The following MACROD2 variants were observed in gnomAD, a reference collection of about 807,000 sequenced individuals.
The protein encoded by MACROD2 is mono-ADP ribosylhydrolase 2, also known as ADP-ribose glycohydrolase MACROD2.
A neutral mutation model predicts 70.4 loss-of-function variants in MACROD2; 36 were observed. The ratio of observed to expected loss-of-function variants is 0.51; its 90% CI spans 0.39 to 0.68. The LOEUF is 0.68. MACROD2 is among the 30% of genes least tolerant of loss of function. The probability of loss-of-function intolerance (pLI) is 0.00; values close to 1 mark genes in which losing one functional copy is unlikely to be tolerated. For missense variants in MACROD2, 496 were observed against 538.4 expected (o/e 0.92, Z 0.78); for synonymous variants, 172 against 178.8 (o/e 0.96, Z 0.30).
At chr20:14,540,275 T>G (rs1327818757) in intron 4 of MACROD2, among the ~76,000 whole-genome samples, 1 of 152,062 alleles carries the variant, frequency 6.6e-6, no homozygotes, top group African/African-American at 2.4e-5. Flanking sequence ...CCCCAGATGG[T>G]TTTTTACCAC....
intron 6 of MACROD2, among the ~76,000 whole-genome samples, chr20:15,240,067 A>G (rs910495924): frequency 7.2e-5 from 11 of 152,188 alleles, no homozygotes; most frequent in African/African-American, 2.7e-4. Context: ...GTAAGGCCAA[A>G]TGAGACTATA....
intron 4 of MACROD2, among the ~76,000 whole-genome samples, chr20:14,580,471 C>T (rs1190794925): frequency 2.0e-5 from 3 of 151,500 alleles, no homozygotes; most frequent in Non-Finnish European, 4.4e-5. Flanking sequence ...TAAATATTAT[C>T]ATTCTCAATA....
intron 15 of MACROD2, among the ~76,000 whole-genome samples, chr20:15,990,262 G>A (rs529903840): frequency 1.3e-5 from 2 of 152,202 alleles, no homozygotes; most frequent in East Asian, 3.9e-4. Flanking sequence ...AACCAAATAG[G>A]AAAGTAATAT....
chr20:15,471,934 C>G (rs567099721), intron 7 of MACROD2, among the ~76,000 whole-genome samples: 1 of 152,230 alleles, frequency 6.6e-6, no homozygotes, highest in African/African-American at 2.4e-5. Flanking sequence ...TACTTAAAAA[C>G]AAACAAGCAA....
chr20:15,490,616 A>C (rs2047220046), intron 7 of MACROD2, among the ~76,000 whole-genome samples: 2 of 152,118 alleles, frequency 1.3e-5, no homozygotes, highest in African/African-American at 4.8e-5. Context: ...CAGACCCAAC[A>C]CCAGGTCATG....
chr20:15,700,184 C>T (rs1253101715), intron 8 of MACROD2, among the ~76,000 whole-genome samples: 1 of 152,136 alleles, frequency 6.6e-6, no homozygotes, highest in Non-Finnish European at 1.5e-5. Flanking sequence ...TTTGTTCTTG[C>T]AGTTCTGAAG....
intron 5 of MACROD2, among the ~76,000 whole-genome samples, chr20:15,007,731 C>T (rs2075051035): frequency 6.6e-6 from 1 of 152,184 alleles, no homozygotes; most frequent in Non-Finnish European, 1.5e-5. Flanking sequence ...GTTGCTGCCA[C>T]CTCTTTGTGA....
At chr20:15,345,727 G>A (rs2078158693) in intron 6 of MACROD2, among the ~76,000 whole-genome samples, 1 of 152,174 alleles carries the variant, frequency 6.6e-6, no homozygotes, top group South Asian at 2.1e-4. Flanking sequence ...TAGCTACACA[G>A]AGCTAGTGGC....
chr20:14,034,649 C>A (rs577676154), intron 2 of MACROD2, among the ~76,000 whole-genome samples: 23 of 152,284 alleles, frequency 1.5e-4, no homozygotes, highest in Non-Finnish European at 2.6e-4. Context: ...TTTTTAAAAT[C>A]ATGAGTGAGA....
In MACROD2 at chr20:14,767,161, T is replaced by G. The variant is rs151226576; in HGVS notation, c.418+82202T>G. ...CTAGGCAACATAACAAGATCCCATC[T>G]GTACCATCAATAATCAATCAATAAT... On this transcript the variant is annotated intron_variant, in intron 5 of 17. Transcript: ENST00000684519. 3.1e-4 allele frequency among the ~76,000 whole-genome samples: 47 copies of G among 152,300 alleles called. No homozygotes were observed. The East Asian group carries it at 8.7e-3, about 28-fold the overall frequency.
chr20:16,030,910 T>A (rs57203408), intron 15 of MACROD2, among the ~76,000 whole-genome samples: 30,370 of 152,068 alleles, frequency 0.2, 3,545 homozygotes, highest in African/African-American at 0.32. Context: ...AACCATGTTT[T>A]AAAAAATCAA....
intron 4 of MACROD2, among the ~76,000 whole-genome samples, chr20:14,633,140 CAT>C (rs1984604750): frequency 6.6e-6 from 1 of 152,234 alleles, no homozygotes; most frequent in Non-Finnish European, 1.5e-5. Context: ...CCTGTGGTTG[CAT>C]CACTCCAGTC....
At chr20:15,998,942 C>G (rs1215839610) in intron 15 of MACROD2, among the ~76,000 whole-genome samples, 1 of 151,876 alleles carries the variant, frequency 6.6e-6, no homozygotes, top group Non-Finnish European at 1.5e-5. Flanking sequence ...TTTGTTCATC[C>G]TTTTTATTGT....
At chr20:14,868,125 C>T (rs2073447393) in intron 5 of MACROD2, among the ~76,000 whole-genome samples, 1 of 151,910 alleles carries the variant, frequency 6.6e-6, no homozygotes, top group African/African-American at 2.4e-5. Flanking sequence ...CTTTATTAGG[C>T]CCCCAAACCC....
At chr20:15,790,965 A>T (rs2063619295) in intron 8 of MACROD2, among the ~76,000 whole-genome samples, 1 of 151,862 alleles carries the variant, frequency 6.6e-6, no homozygotes. Context: ...TTTTCTCTAT[A>T]TCTGTTATTA....
At chr20:15,159,613 T>A (rs971057546) in intron 5 of MACROD2, among the ~76,000 whole-genome samples, 3 of 94,334 alleles carry the variant, frequency 3.2e-5, no homozygotes, top group Non-Finnish European at 6.3e-5. Flanking sequence ...TCTAATTATG[T>A]AAGGAGATTG....
In MACROD2 at chr20:15,455,613, A is replaced by T. The variant is rs192352667; in HGVS notation, c.571+24178A>T. Among the ~76,000 whole-genome samples the T allele has an allele frequency of 1.1e-4, 16 of 152,266 alleles. No individual in the cohort carries two copies. The East Asian group carries it at 3.1e-3, about 29-fold the overall frequency. On this transcript the variant is annotated intron_variant, in intron 7 of 17. Coordinates refer to ENST00000684519, the MANE Select transcript of MACROD2 (RefSeq NM_001351661.2). ...TTAAATATTCTGCTTGTGAAATATCATATGGCTTTGAGCAAATAACTGTCA... is the reference window on the plus strand; with the variant it reads ...TTAAATATTCTGCTTGTGAAATATCTTATGGCTTTGAGCAAATAACTGTCA...
intron 3 of MACROD2, among the ~76,000 whole-genome samples, chr20:14,117,044 C>A (rs543625477): frequency 2.2e-5 from 3 of 136,598 alleles, no homozygotes; most frequent in African/African-American, 8.4e-5. Flanking sequence ...TCCAGCCTGG[C>A]GACAGAACAA....
At chr20:15,612,233 G>T (rs1205427920) in intron 8 of MACROD2, among the ~76,000 whole-genome samples, 1 of 152,138 alleles carries the variant, frequency 6.6e-6, no homozygotes, top group Non-Finnish European at 1.5e-5. Flanking sequence ...GCTCATGATT[G>T]TTACCTCTTG....
Sources: allele counts gnomAD v4.1 joint callset (sites outside exome capture counted in the v4.1 genomes callset), GRCh38; gene constraint gnomAD v4.1.1; transcripts MANE v1.5; gene names NCBI Gene and HGNC (gene_info 2026-07-23, HGNC 2026-07-21).